RFPL1: variants seen among roughly 807,000 people sequenced by gnomAD.
RFPL1 encodes the protein ret finger protein like 1.
Under a neutral mutation model 9.6 loss-of-function variants are expected in RFPL1, and 6 were observed. The ratio of observed to expected loss-of-function variants is 0.62; its 90% confidence interval spans 0.34 to 1.23. The LOEUF (loss-of-function observed/expected upper bound fraction) is 1.23. RFPL1 is among the 50% of genes most tolerant of loss of function. The probability of loss-of-function intolerance (pLI) is 0.03; values close to 1 mark genes in which losing one functional copy is unlikely to be tolerated. For missense variants in RFPL1, 352 were observed against 398.4 expected, an observed-to-expected ratio of 0.88 and a Z score of 0.99; for synonymous variants, 145 against 149.4, an observed-to-expected ratio of 0.97 and a Z score of 0.22.
the RFPL1 span, among the ~76,000 whole-genome samples, chr22:29,410,570 ATT>A: frequency 1.4e-4 from 12 of 85,278 alleles, no homozygotes; most frequent in South Asian, 3.3e-4. Context: ...AGATATATAT[ATT>A]GTAGATATAT....
the RFPL1 span, among the ~76,000 whole-genome samples, chr22:29,424,833 A>AC: frequency 0.086 from 3,361 of 39,172 alleles, 170 homozygotes; most frequent in African/African-American, 0.18. Context: ...TGTCCCTCCC[A>AC]CCCCCCCCCC....
At chr22:29,423,382 C>CCTTTT in the RFPL1 span, among the ~76,000 whole-genome samples, 5 of 134,404 alleles carry the variant, frequency 3.7e-5, no homozygotes, top group Admixed American at 7.6e-5. Context: ...AATCTATCAA[C>CCTTTT]TTTTTTTTTT....
At chr22:29,413,960 C>T in the RFPL1 span, among the ~76,000 whole-genome samples, 1 of 152,196 alleles carries the variant, frequency 6.6e-6, no homozygotes, top group African/African-American at 2.4e-5. Context: ...AATCCTTTTA[C>T]CAAAGGCATA....
chr22:29,390,598 A>T, the RFPL1 span, among the ~76,000 whole-genome samples: 1 of 150,908 alleles, frequency 6.6e-6, no homozygotes, highest in African/African-American at 2.4e-5. Flanking sequence ...TTATTTATTT[A>T]TTTATTTATT....
chr22:29,413,387 T>C, the RFPL1 span, among the ~76,000 whole-genome samples: 1 of 152,112 alleles, frequency 6.6e-6, no homozygotes, highest in African/African-American at 2.4e-5. Flanking sequence ...CTTTTAGTTT[T>C]GAGGGAAAGG....
At chr22:29,407,652 G>A in the RFPL1 span, among the ~76,000 whole-genome samples, 1 of 151,922 alleles carries the variant, frequency 6.6e-6, no homozygotes, top group Non-Finnish European at 1.5e-5. Context: ...GATTTTAACA[G>A]TTAGCCCATT....
At chr22:29,420,143 A>G in the RFPL1 span, among the ~76,000 whole-genome samples, 1 of 152,240 alleles carries the variant, frequency 6.6e-6, no homozygotes. Flanking sequence ...CCTGAGACAC[A>G]AGTGGTTGCT....
the RFPL1 span, among the ~76,000 whole-genome samples, chr22:29,409,059 T>C: frequency 6.6e-6 from 1 of 152,066 alleles, no homozygotes; most frequent in African/African-American, 2.4e-5. Context: ...GTCAAGTCTG[T>C]ACATATACTT....
upstream of RFPL1, among the ~76,000 whole-genome samples, chr22:29,434,138 C>T (rs575436802): frequency 3.4e-4 from 51 of 152,158 alleles, 1 homozygote; most frequent in Admixed American, 3.1e-3. Context: ...TGACATAAGC[C>T]GCCGTACACA....
At chr22:29,435,166 A>G (rs1251476684), upstream of RFPL1, among the ~76,000 whole-genome samples, 1 of 152,240 alleles carries the variant, frequency 6.6e-6, no homozygotes, top group Non-Finnish European at 1.5e-5. Context: ...TGCCTTTTAA[A>G]TACTAAAAAG....
the RFPL1 span, among the ~76,000 whole-genome samples, chr22:29,415,137 T>C: frequency 1.6e-4 from 24 of 150,896 alleles, no homozygotes; most frequent in East Asian, 3.7e-3. Flanking sequence ...TCAAATGGAG[T>C]GGACAAGTTC....
At chr22:29,419,744 A>G in the RFPL1 span, among the ~76,000 whole-genome samples, 1 of 150,912 alleles carries the variant, frequency 6.6e-6, no homozygotes, top group African/African-American at 2.4e-5. Flanking sequence ...CGAGGCTGCC[A>G]TGAGCCATGA....
chr22:29,414,082 AACAC>A, the RFPL1 span, among the ~76,000 whole-genome samples: 1 of 152,160 alleles, frequency 6.6e-6, no homozygotes, highest in African/African-American at 2.4e-5. Context: ...TTCTTTTTCT[AACAC>A]TTTTTTTCAT....
At chr22:29,391,636 C>A in the RFPL1 span, among the ~76,000 whole-genome samples, 3 of 152,108 alleles carry the variant, frequency 2.0e-5, no homozygotes, top group South Asian at 2.1e-4. Flanking sequence ...CAGCACCGGG[C>A]GGCTCAGGAA....
upstream of RFPL1, among the ~76,000 whole-genome samples, chr22:29,434,147 CAGCCTGATCT>C (rs1032492065): frequency 1.3e-5 from 2 of 152,170 alleles, no homozygotes; most frequent in South Asian, 2.1e-4. Flanking sequence ...CCGCCGTACA[CAGCCTGATCT>C]AATAGTATAA....
chr22:29,424,197 T>C, the RFPL1 span, among the ~76,000 whole-genome samples: 2 of 151,362 alleles, frequency 1.3e-5, no homozygotes, highest in Admixed American at 6.6e-5. Context: ...AAAAAGACCA[T>C]AGGACAAAGA....
the RFPL1 span, among the ~76,000 whole-genome samples, chr22:29,410,285 T>TATATATGTAGATATATATCTATATATCG: frequency 1.0e-5 from 1 of 97,680 alleles, no homozygotes; most frequent in South Asian, 4.4e-4. Flanking sequence ...TATATAGATC[T>TATATATGTAGATATATATCTATATATCG]ATATATATGT....
the RFPL1 span, among the ~76,000 whole-genome samples, chr22:29,399,114 A>T: frequency 6.6e-6 from 1 of 152,238 alleles, no homozygotes; most frequent in Non-Finnish European, 1.5e-5. Context: ...TCACCAATAA[A>T]TAAGGTTTCA....
chr22:29,392,382 T>TGC, the RFPL1 span, among the ~76,000 whole-genome samples: 1 of 50,432 alleles, frequency 2.0e-5, no homozygotes, highest in Non-Finnish European at 3.5e-5. Context: ...ACCTGGCTTT[T>TGC]TTTTTTTTTT....
Sources: allele counts gnomAD v4.1 joint callset (sites outside exome capture counted in the v4.1 genomes callset), GRCh38; gene constraint gnomAD v4.1.1; transcripts MANE v1.5; gene names NCBI Gene and HGNC (gene_info 2026-07-23, HGNC 2026-07-21).